Variants in KIAA1217 observed in about 807,000 individuals in gnomAD.
The protein encoded by KIAA1217 is KIAA1217.
KIAA1217 carries 88 observed loss-of-function variants against 163.9 expected under a neutral mutation model. That is an observed-to-expected ratio of 0.54 (90% confidence interval 0.45 to 0.64). The LOEUF is 0.64. KIAA1217 is among the 30% of genes least tolerant of loss of function. KIAA1217 has a pLI of 0.00. For missense variants in KIAA1217, 2,372 were observed against 2,475.0 expected (o/e 0.96, Z 0.88); for synonymous variants, 903 against 923.1 (o/e 0.98, Z 0.39).
chr10:23,739,627 G>C (rs1367856087), intron 1 of KIAA1217, among the ~76,000 whole-genome samples: 1 of 152,186 alleles, frequency 6.6e-6, no homozygotes, highest in African/African-American at 2.4e-5. Flanking sequence ...TTGTACATGA[G>C]ATGGGAATGT....
At chr10:24,166,198 C>T (rs2065338153) in intron 2 of KIAA1217, among the ~76,000 whole-genome samples, 1 of 151,698 alleles carries the variant, frequency 6.6e-6, no homozygotes, top group Admixed American at 6.6e-5. Context: ...TTTCCTCCTT[C>T]CTTGATAAAT....
chr10:24,224,495 A>G (rs1466563136), intron 2 of KIAA1217, among the ~76,000 whole-genome samples: 1 of 151,874 alleles, frequency 6.6e-6, no homozygotes, highest in Non-Finnish European at 1.5e-5. Flanking sequence ...GTGCACCACC[A>G]TACACCATAC....
intron 1 of KIAA1217, among the ~76,000 whole-genome samples, chr10:23,988,318 TC>T (rs1846071768): frequency 6.6e-6 from 1 of 152,236 alleles, no homozygotes; most frequent in Admixed American, 6.5e-5. Context: ...TTTAAGGCGT[TC>T]CTATAATGAC....
chr10:24,527,980 C>T lies in KIAA1217; in HGVS notation c.2943C>T (p.His981=). The T allele has an allele frequency of 3.1e-6, 5 of 1,614,114 alleles. No homozygotes were observed. Among genetic ancestry groups the T allele is most frequent in the Non-Finnish European group, 2.5e-6 (3 of 1,180,002 alleles). ...KWEEKRQNLD[H]YNGKEFEKLL... is the part of the protein sequence containing the mutation. ...AGGAAAAAAGGCAAAATCTGGATCA[C>T]TATAATGGGAAAGAGTTTGAGAAGC... Residue 981 remains histidine, a synonymous_variant, in exon 14 of 21, where the codon CAC becomes CAT. Coordinates refer to ENST00000376454, the MANE Select transcript of KIAA1217 (RefSeq NM_019590.5).
At chr10:23,828,594 G>A (rs1838017453) in intron 1 of KIAA1217, among the ~76,000 whole-genome samples, 1 of 152,142 alleles carries the variant, frequency 6.6e-6, no homozygotes, top group African/African-American at 2.4e-5. Context: ...AAAGCTAAAT[G>A]TTTTTGATTA....
At chr10:24,438,302 A>G in intron 4 of KIAA1217, 84 bp from the exon 5 acceptor site, 1 of 889,812 alleles carries the variant, frequency 1.1e-6, no homozygotes, top group Non-Finnish European at 1.9e-6. Context: ...CATGTTTTTT[A>G]CCTGATCTTT....
intron 2 of KIAA1217, chr10:24,158,742 C>A: frequency 2.0e-6 from 1 of 497,606 alleles, no homozygotes; most frequent in South Asian, 1.6e-5. Flanking sequence ...TTATTTCTGA[C>A]AGATGAAAAT....
intron 2 of KIAA1217, among the ~76,000 whole-genome samples, chr10:24,353,581 A>G (rs933004955): frequency 2.6e-5 from 4 of 152,176 alleles, no homozygotes; most frequent in Non-Finnish European, 5.9e-5. Flanking sequence ...ATTTATGATG[A>G]TAAACAAGAG....
At chr10:24,186,389 G>A (rs2066429495) in intron 2 of KIAA1217, among the ~76,000 whole-genome samples, 2 of 152,156 alleles carry the variant, frequency 1.3e-5, no homozygotes. Context: ...CTGCCTTCCA[G>A]AGTTGACTTT....
At chr10:23,906,290 ACAAACACGTACACACCC>A (rs1842161747) in intron 1 of KIAA1217, among the ~76,000 whole-genome samples, 1 of 152,018 alleles carries the variant, frequency 6.6e-6, no homozygotes, top group African/African-American at 2.4e-5. Flanking sequence ...ACACATACAC[ACAAACACGTACACACCC>A]CAAACACATA....
chr10:23,841,536 A>G (rs188622155), intron 1 of KIAA1217, among the ~76,000 whole-genome samples: 2 of 152,214 alleles, frequency 1.3e-5, no homozygotes, highest in Admixed American at 1.3e-4. Context: ...TATGTATGCT[A>G]TTCATGGTGA....
chr10:24,052,748 T>G (rs1313509598), intron 2 of KIAA1217, among the ~76,000 whole-genome samples: 1 of 152,180 alleles, frequency 6.6e-6, no homozygotes, highest in African/African-American at 2.4e-5. Flanking sequence ...TATTTGGGGC[T>G]ATGTCTCCCA....
intron 2 of KIAA1217, among the ~76,000 whole-genome samples, chr10:24,240,267 T>C (rs1381446426): frequency 6.6e-6 from 1 of 152,172 alleles, no homozygotes; most frequent in East Asian, 1.9e-4. Context: ...AGAAAGCCTA[T>C]TGTTTCTTCC....
At chr10:24,161,870 G>T (rs1157342347) in intron 2 of KIAA1217, among the ~76,000 whole-genome samples, 3 of 152,240 alleles carry the variant, frequency 2.0e-5, no homozygotes, top group Non-Finnish European at 4.4e-5. Context: ...TCTCCTGAAT[G>T]AGGCATAATG....
At chr10:24,443,182 G>A (rs191907442) in intron 5 of KIAA1217, among the ~76,000 whole-genome samples, 3 of 152,194 alleles carry the variant, frequency 2.0e-5, no homozygotes, top group East Asian at 1.9e-4. Flanking sequence ...AATTACAGGC[G>A]TGGGCTACTG....
At chr10:23,852,402 G>C (rs573941271) in intron 1 of KIAA1217, among the ~76,000 whole-genome samples, 1 of 152,140 alleles carries the variant, frequency 6.6e-6, no homozygotes, top group Non-Finnish European at 1.5e-5. Flanking sequence ...GTACCATGCC[G>C]TTTTGGTTAC....
chr10:24,252,219 G>C (rs1021394735), intron 2 of KIAA1217, among the ~76,000 whole-genome samples: 1 of 152,116 alleles, frequency 6.6e-6, no homozygotes, highest in African/African-American at 2.4e-5. Flanking sequence ...CCACAAAAAG[G>C]CCTCAGATTA....
chr10:23,931,945 A>G (rs1306188956), intron 1 of KIAA1217, among the ~76,000 whole-genome samples: 1 of 152,100 alleles, frequency 6.6e-6, no homozygotes, highest in African/African-American at 2.4e-5. Context: ...AGGGACAAAA[A>G]ATGGGGCCAG....
Position 24,531,815 on chromosome 10 carries a change from T to G in KIAA1217, c.3083-15T>G, listed in dbSNP as rs200915029. 30 of 1,575,784 alleles carry G rather than the reference T, an allele frequency of 1.9e-5. No homozygotes were observed. The African/African-American group carries it at 2.2e-4, about 11-fold the overall frequency. On this transcript the variant is annotated splice_polypyrimidine_tract_variant and intron_variant, in intron 14 of 20. Coordinates refer to ENST00000376454, the MANE Select transcript of KIAA1217 (RefSeq NM_019590.5). ...TGAAAAAAGATTATTCTTGTAATGG[T>G]GCACTGTTTTCCAGAAGATTCTCCA...
Sources: allele counts gnomAD v4.1 joint callset (sites outside exome capture counted in the v4.1 genomes callset), GRCh38; gene constraint gnomAD v4.1.1; transcripts MANE v1.5; gene names NCBI Gene and HGNC (gene_info 2026-07-23, HGNC 2026-07-21).